Variants in SDK1 observed in about 807,000 individuals in gnomAD.
The protein encoded by SDK1 is sidekick cell adhesion molecule 1.
A neutral mutation model predicts 245.5 loss-of-function variants in SDK1; 157 were observed. That is an observed-to-expected ratio of 0.64 (90% CI 0.56 to 0.73). SDK1 has a LOEUF of 0.73. Ranked by LOEUF, SDK1 falls within the 30% of genes least tolerant of loss-of-function variation. SDK1 has a pLI of 0.00. For missense variants in SDK1, 3,583 were observed against 3,002.3 expected, an observed-to-expected ratio of 1.19 and a Z score of -4.52; for synonymous variants, 1,647 against 1,278.5, an observed-to-expected ratio of 1.29 and a Z score of -6.15.
At chr7:3,875,933 G>A (rs567505119) in intron 5 of SDK1, among the ~76,000 whole-genome samples, 3 of 152,242 alleles carry the variant, frequency 2.0e-5, no homozygotes, top group Admixed American at 6.5e-5. Flanking sequence ...CAGCTTCTTT[G>A]TTCTCTCACT....
Position 4,107,046 on chromosome 7 carries a change from C to T in SDK1, c.3325-3617C>T, listed in dbSNP as rs909399199. ...GGCAGGGAGCTCTAGGCAGAGCCCC[C>T]GCCCAGGACCCCAGCGTTCCTCAGT... On this transcript the variant is annotated intron_variant, in intron 22 of 44. Transcript: ENST00000404826. 4.0e-5 allele frequency among the ~76,000 whole-genome samples: 6 copies of T among 151,238 alleles called. No homozygotes were observed. The East Asian group carries it at 7.9e-4, about 20-fold the overall frequency.
intron 1 of SDK1, among the ~76,000 whole-genome samples, chr7:3,519,756 A>T: frequency 6.6e-6 from 1 of 152,314 alleles, no homozygotes; most frequent in Non-Finnish European, 1.5e-5. Flanking sequence ...ATCATTAAAT[A>T]AGAGGAGACT....
intron 1 of SDK1, among the ~76,000 whole-genome samples, chr7:3,421,152 A>T (rs918449853): frequency 6.6e-6 from 1 of 150,718 alleles, no homozygotes; most frequent in Admixed American, 6.6e-5. Context: ...TCTCACTGCA[A>T]CATTTGCCTC....
At chr7:3,338,972 G>T (rs1251799407) in intron 1 of SDK1, among the ~76,000 whole-genome samples, 2 of 152,120 alleles carry the variant, frequency 1.3e-5, no homozygotes, top group Non-Finnish European at 2.9e-5. Flanking sequence ...CTAATAATTG[G>T]CTTAAATATA....
chr7:4,106,548 G>A (rs1327569959), intron 22 of SDK1, among the ~76,000 whole-genome samples: 3 of 151,894 alleles, frequency 2.0e-5, no homozygotes, highest in Non-Finnish European at 4.4e-5. Flanking sequence ...CACCCACCTC[G>A]ACCTCCCAAA....
intron 4 of SDK1, among the ~76,000 whole-genome samples, chr7:3,694,579 G>GA (rs562259779): frequency 1.3e-5 from 2 of 151,638 alleles, no homozygotes; most frequent in African/African-American, 4.9e-5. Flanking sequence ...TATGTTGGTG[G>GA]GGGGGGAAAA....
intron 1 of SDK1, among the ~76,000 whole-genome samples, chr7:3,618,666 A>C (rs1781842614): frequency 6.6e-6 from 1 of 152,218 alleles, no homozygotes; most frequent in African/African-American, 2.4e-5. Context: ...TGCTTATCTT[A>C]CTTTTTTAAA....
chr7:3,877,893 G>T (rs1461987904), intron 5 of SDK1, among the ~76,000 whole-genome samples: 1 of 148,044 alleles, frequency 6.8e-6, no homozygotes, highest in African/African-American at 2.4e-5. Flanking sequence ...TACTTGCAGT[G>T]AACTGCAGTG....
chr7:3,302,324 C>G (rs1779293792), intron 1 of SDK1: 1 of 152,104 alleles, frequency 6.6e-6, no homozygotes, highest in Non-Finnish European at 1.5e-5. Context: ...CCTTTTCCAG[C>G]CCCTCCCCAG....
intron 4 of SDK1, among the ~76,000 whole-genome samples, chr7:3,792,760 C>T (rs1378612542): frequency 6.6e-6 from 1 of 152,018 alleles, no homozygotes; most frequent in Admixed American, 6.6e-5. Context: ...CCCCCTCCCC[C>T]TCCAGTCTCC....
At chr7:3,953,067 C>T (rs1207721698) in intron 7 of SDK1, among the ~76,000 whole-genome samples, 1 of 151,360 alleles carries the variant, frequency 6.6e-6, no homozygotes, top group Admixed American at 6.6e-5. Context: ...CCTCTCTCCT[C>T]TTTGGGAAAA....
chr7:3,687,349 C>T (rs1235368499), intron 4 of SDK1, among the ~76,000 whole-genome samples: 6 of 151,896 alleles, frequency 4.0e-5, no homozygotes, highest in Non-Finnish European at 7.4e-5. Context: ...GGATAGTCTC[C>T]ATCTCTTGAC....
At position 4,245,921 on chromosome 7, in the gene SDK1, G is replaced by A. The variant is rs116722524; in HGVS notation, c.6381+116G>A. 1.0e-3 allele frequency: 1,300 copies of A among 1,281,046 alleles called. 17 individuals carry two copies. The African/African-American group carries it at 0.018, about 17-fold the overall frequency. 79.4% of individuals were successfully genotyped at this position (1,281,046 alleles called of 1,614,324 possible). A position where few individuals can be genotyped will look rare whatever the true frequency, so the allele number is the denominator to read the frequency against. On this transcript the variant is annotated intron_variant, in intron 44 of 44. Transcript: ENST00000404826. ...GAGTCTCATAACATCCCCACAGGCA[G>A]AGCCAAGGACAAAGGGCTTCATTAT...
At chr7:3,936,096 G>T (rs1448379597) in intron 5 of SDK1, among the ~76,000 whole-genome samples, 1 of 152,206 alleles carries the variant, frequency 6.6e-6, no homozygotes, top group Non-Finnish European at 1.5e-5. Flanking sequence ...CTGTATCAAT[G>T]AACCTTGGGG....
At position 3,987,341 on chromosome 7, in the gene SDK1, CTG is replaced by C; in HGVS notation, c.2131+21_2131+22del. On this transcript the variant is annotated intron_variant, in intron 14 of 44. Coordinates refer to ENST00000404826, the MANE Select transcript of SDK1 (RefSeq NM_152744.4). ...GAAAACAGTAAGTAGCAAAATGAAACTGTCACCATGGACGATAATCAGATTTT... is the reference window on the plus strand; with the variant it reads ...GAAAACAGTAAGTAGCAAAATGAAACTCACCATGGACGATAATCAGATTTT... 6.2e-7 allele frequency: 1 copy of C among 1,612,316 alleles called. No homozygotes were observed.
Position 4,024,110 on chromosome 7 carries a change from T to G in SDK1, c.2602+6758T>G, listed in dbSNP as rs142196457. On this transcript the variant is annotated intron_variant, in intron 17 of 44. Transcript: ENST00000404826. ...TTTCTTCTTGTAACAGGTATATTTG[T>G]GCTGTAATGATTTATTCTGGTTTCA... Among the ~76,000 whole-genome samples, 113 of 152,332 alleles carry G rather than the reference T, an allele frequency of 7.4e-4. 1 individual carries two copies. The highest frequency in any genetic ancestry group is 1.2e-3 in the South Asian group (6 of 4,826).
chr7:3,310,456 A>C lies in SDK1; in HGVS notation c.298+8572A>C, dbSNP rs535210383. ...GCTGGAGATGGAGAGAGGTAGATGC[A>C]CTAGAGAGGGATTTAAGAGGCAAAA... On this transcript the variant is annotated intron_variant, in intron 1 of 44. Transcript: ENST00000404826. 1.2e-4 allele frequency among the ~76,000 whole-genome samples: 19 copies of C among 152,286 alleles called. No individual in the cohort carries two copies. In the South Asian group the frequency reaches 1.7e-3, roughly 13 times the overall value.
intron 5 of SDK1, among the ~76,000 whole-genome samples, chr7:3,850,319 G>C (rs1256390247): frequency 6.6e-6 from 1 of 152,184 alleles, no homozygotes; most frequent in Non-Finnish European, 1.5e-5. Context: ...TATATGGAAA[G>C]CATGTGTAAC....
intron 1 of SDK1, among the ~76,000 whole-genome samples, chr7:3,306,127 G>A (rs1216718004): frequency 3.3e-5 from 5 of 152,168 alleles, no homozygotes; most frequent in Non-Finnish European, 7.4e-5. Context: ...AGGGAAAGAC[G>A]GTGGTTGATA....
Sources: gnomAD v4.1 joint callset for allele counts (sites outside exome capture counted in the v4.1 genomes callset) on GRCh38, gnomAD v4.1.1 for gene constraint, MANE v1.5 for transcripts, NCBI Gene and HGNC (gene_info 2026-07-23, HGNC 2026-07-21) for gene names.